BCAT1: variants seen among roughly 807,000 people sequenced by gnomAD.
The protein encoded by BCAT1 is branched-chain-amino-acid aminotransferase, cytosolic.
BCAT1 carries 48 observed loss-of-function variants against 52.4 expected under a neutral mutation model. The observed-to-expected ratio is 0.92, with a 90% CI of 0.73 to 1.16. The LOEUF is 1.16. Among genes scored for constraint, BCAT1 ranks in the 50% most tolerant of loss-of-function variants. The pLI, the probability that BCAT1 is intolerant of heterozygous loss-of-function variation, is 0.00. For missense variants in BCAT1, 451 were observed against 457.1 expected, an observed-to-expected ratio of 0.99 and a Z score of 0.12; for synonymous variants, 167 against 161.3, an observed-to-expected ratio of 1.04 and a Z score of -0.27.
chr12:24,874,669 T>C (rs1341031974), intron 5 of BCAT1, among the ~76,000 whole-genome samples: 8 of 152,214 alleles, frequency 5.3e-5, no homozygotes, highest in Admixed American at 5.2e-4. Context: ...GGTGAGTCCT[T>C]TAAAAGTGGT....
intron 6 of BCAT1, among the ~76,000 whole-genome samples, chr12:24,848,435 G>T (rs1158978507): frequency 6.6e-6 from 1 of 152,120 alleles, no homozygotes; most frequent in African/African-American, 2.4e-5. Context: ...CTGCAATAGT[G>T]CATTAAATCA....
intron 10 of BCAT1, among the ~76,000 whole-genome samples, chr12:24,823,754 T>C (rs148574237): frequency 1.8e-4 from 28 of 152,304 alleles, no homozygotes; most frequent in Admixed American, 3.3e-4. Context: ...CCTTCCGCCA[T>C]GACTGTAAGT....
intron 2 of BCAT1, among the ~76,000 whole-genome samples, chr12:24,896,016 T>C (rs1942952315): frequency 6.6e-6 from 1 of 152,028 alleles, no homozygotes. Context: ...ACCATTATTA[T>C]TATTATTTTG....
chr12:24,859,802 A>C (rs1250272493), intron 5 of BCAT1, among the ~76,000 whole-genome samples: 1 of 152,052 alleles, frequency 6.6e-6, no homozygotes, highest in African/African-American at 2.4e-5. Context: ...GATCTGGTCA[A>C]TACTTTAGAT....
intron 1 of BCAT1, among the ~76,000 whole-genome samples, chr12:24,916,672 C>CT (rs566215521): frequency 6.3e-4 from 96 of 152,288 alleles, no homozygotes; most frequent in African/African-American, 2.2e-3. Context: ...TCCCGAGTAG[C>CT]TGGGATTACA....
intron 3 of BCAT1, among the ~76,000 whole-genome samples, chr12:24,885,520 T>C (rs912280114): frequency 2.0e-5 from 3 of 152,224 alleles, no homozygotes; most frequent in African/African-American, 7.2e-5. Context: ...TTTATTTTCT[T>C]TTAAAAAACT....
intron 5 of BCAT1, among the ~76,000 whole-genome samples, chr12:24,873,534 A>T (rs566552448): frequency 2.6e-5 from 4 of 152,210 alleles, no homozygotes; most frequent in Admixed American, 6.5e-5. Context: ...ATTATCCTGT[A>T]TTATGTATTT....
chr12:24,891,023 T>C (rs1942822279), intron 3 of BCAT1, among the ~76,000 whole-genome samples: 19 of 152,134 alleles, frequency 1.2e-4, no homozygotes, highest in Admixed American at 1.2e-3. Context: ...GTCTCCTATG[T>C]TGACTATTGT....
At chr12:24,949,112 T>C, upstream of BCAT1, 1 of 604,338 alleles carries the variant, frequency 1.7e-6, no homozygotes, top group Non-Finnish European at 2.9e-6. Context: ...AGACCGGCCC[T>C]CTCGCGGCGG....
intron 5 of BCAT1, among the ~76,000 whole-genome samples, chr12:24,859,273 A>G (rs1051779978): frequency 9.9e-5 from 15 of 152,256 alleles, no homozygotes; most frequent in African/African-American, 3.6e-4. Context: ...AACAAAATAA[A>G]GAAGAAAAAG....
intron 7 of BCAT1, 25 bp downstream of exon 7, chr12:24,842,057 A>G (rs1941191902): frequency 6.2e-7 from 1 of 1,610,852 alleles, no homozygotes; most frequent in Non-Finnish European, 8.5e-7. Context: ...TGAGAAATGC[A>G]CACAGTGAAA....
At chr12:24,892,208 A>T (rs1328656017) in intron 3 of BCAT1, among the ~76,000 whole-genome samples, 1 of 151,978 alleles carries the variant, frequency 6.6e-6, no homozygotes, top group African/African-American at 2.4e-5. Context: ...GACATTATCT[A>T]CGTGGAAATA....
chr12:24,871,871 T>C (rs1357016129), intron 5 of BCAT1, among the ~76,000 whole-genome samples: 1 of 152,192 alleles, frequency 6.6e-6, no homozygotes, highest in Non-Finnish European at 1.5e-5. Flanking sequence ...ACTCGATGTC[T>C]TAAGACACTA....
At chr12:24,853,876 G>C (rs963506419) in intron 5 of BCAT1, among the ~76,000 whole-genome samples, 10 of 151,908 alleles carry the variant, frequency 6.6e-5, no homozygotes, top group Non-Finnish European at 1.3e-4. Context: ...GGAATTAAAA[G>C]GGGCTTTAAA....
At position 24,872,862 on chromosome 12, in the gene BCAT1, G is replaced by C. The variant is rs1489744225; in HGVS notation, c.510+5668C>G. Among the ~76,000 whole-genome samples, 4 of 152,204 alleles carry C rather than the reference G, an allele frequency of 2.6e-5. No homozygotes were observed. The East Asian group carries it at 5.8e-4, about 22-fold the overall frequency. ...GTCTCACTCTACCACCTCCCAAATG[G>C]AGAGAGTGGGTGGGATGAAATGGGA... On this transcript the variant is annotated intron_variant, in intron 5 of 10. Coordinates refer to ENST00000261192, the MANE Select transcript of BCAT1 (RefSeq NM_005504.7).
At chr12:24,820,238 T>C (rs1262475478) in intron 10 of BCAT1, among the ~76,000 whole-genome samples, 1 of 152,226 alleles carries the variant, frequency 6.6e-6, no homozygotes, top group Non-Finnish European at 1.5e-5. Flanking sequence ...TCTCATTCTG[T>C]AATTTATGCT....
chr12:24,890,848 G>A (rs576617629), intron 3 of BCAT1, among the ~76,000 whole-genome samples: 5 of 151,836 alleles, frequency 3.3e-5, no homozygotes, highest in South Asian at 2.1e-4. Flanking sequence ...ATTTTACTTT[G>A]TGGACTCTCC....
chr12:24,834,657 T>G, intron 8 of BCAT1: 4 of 993,978 alleles, frequency 4.0e-6, no homozygotes, highest in Non-Finnish European at 4.8e-6. Context: ...GTAAGTAGAT[T>G]TGGAAGAGCA....
chr12:24,902,318 G>A, intron 1 of BCAT1: 4 of 1,260,810 alleles, frequency 3.2e-6, no homozygotes, highest in Non-Finnish European at 4.0e-6. Context: ...TAGCAAGCCT[G>A]CAAAGGGAAC....
Sources: allele counts gnomAD v4.1 joint callset (sites outside exome capture counted in the v4.1 genomes callset), GRCh38; gene constraint gnomAD v4.1.1; transcripts MANE v1.5; gene names NCBI Gene and HGNC (gene_info 2026-07-23, HGNC 2026-07-21).